The following RNF220 variants were observed in gnomAD, a reference collection of about 807,000 sequenced individuals.
The protein encoded by RNF220 is ring finger protein 220, also known as E3 ubiquitin-protein ligase RNF220.
RNF220 carries 7 observed loss-of-function variants against 67.1 expected under a neutral mutation model. That is an observed-to-expected ratio of 0.10 (90% CI 0.06 to 0.20). RNF220 has a LOEUF of 0.20. Among genes scored for constraint, RNF220 ranks in the 10% least tolerant of loss-of-function variants. RNF220 has a pLI of 1.00. For synonymous variants in RNF220, 270 were observed against 283.2 expected (o/e 0.95, Z 0.47); for missense variants, 565 against 740.3 (o/e 0.76, Z 2.75).
chr1:44,612,889 C>T (rs1024303664), intron 2 of RNF220, among the ~76,000 whole-genome samples: 4 of 152,296 alleles, frequency 2.6e-5, no homozygotes, highest in African/African-American at 9.6e-5. Context: ...CTGATTTTGA[C>T]CCCCTCCAGG....
At chr1:44,432,138 T>C (rs965096277) in intron 2 of RNF220, among the ~76,000 whole-genome samples, 4 of 152,192 alleles carry the variant, frequency 2.6e-5, no homozygotes, top group African/African-American at 9.7e-5. Context: ...ATACCCTGTG[T>C]TTCCCCATGT....
intron 5 of RNF220, among the ~76,000 whole-genome samples, chr1:44,629,785 C>T (rs1301296042): frequency 6.6e-6 from 1 of 152,120 alleles, no homozygotes; most frequent in Non-Finnish European, 1.5e-5. Flanking sequence ...TGACTGAAAA[C>T]GGACTCAGAG....
chr1:44,641,293 C>T (rs1430779996), intron 8 of RNF220, among the ~76,000 whole-genome samples: 1 of 152,170 alleles, frequency 6.6e-6, no homozygotes, highest in African/African-American at 2.4e-5. Flanking sequence ...GGTGGGGGCT[C>T]AGGCCTTTAT....
chr1:44,595,958 G>C (rs888975387), intron 2 of RNF220, among the ~76,000 whole-genome samples: 7 of 152,004 alleles, frequency 4.6e-5, no homozygotes, highest in African/African-American at 1.7e-4. Flanking sequence ...TAGAGACGGG[G>C]TTTTGCCGTG....
chr1:44,438,382 C>T (rs1341719953), intron 2 of RNF220, among the ~76,000 whole-genome samples: 1 of 152,188 alleles, frequency 6.6e-6, no homozygotes, highest in East Asian at 1.9e-4. Context: ...CTTGACCTCC[C>T]AAAGTGCTGG....
chr1:44,552,762 G>A (rs1662762074), intron 2 of RNF220, among the ~76,000 whole-genome samples: 1 of 151,654 alleles, frequency 6.6e-6, no homozygotes, highest in Admixed American at 6.6e-5. Flanking sequence ...GTGGAGACGG[G>A]GTTTCACCTT....
At chr1:44,493,035 A>G (rs887279875) in intron 2 of RNF220, among the ~76,000 whole-genome samples, 5 of 152,042 alleles carry the variant, frequency 3.3e-5, no homozygotes, top group African/African-American at 1.2e-4. Flanking sequence ...TGGGACTACA[A>G]ATGCATGCTA....
At chr1:44,519,124 G>T (rs537548976) in intron 2 of RNF220, among the ~76,000 whole-genome samples, 1 of 152,044 alleles carries the variant, frequency 6.6e-6, no homozygotes, top group Non-Finnish European at 1.5e-5. Context: ...GGTTGGGAGG[G>T]GTGGGGAGAA....
Position 44,581,361 on chromosome 1 carries a change from G to C in RNF220, c.626-32804G>C, listed in dbSNP as rs566267570. Among the ~76,000 whole-genome samples the C allele has an allele frequency of 3.9e-5, 6 of 152,352 alleles. No individual in the cohort carries two copies. In the East Asian group the frequency reaches 1.2e-3, roughly 29 times the overall value. On this transcript the variant is annotated intron_variant, in intron 2 of 14. Transcript: ENST00000361799. The stretch of plus-strand genomic sequence containing the variant: ...AGGTCCCAGCTGCTTGTCCCCTGCA[G>C]TGAGGCCAGTTGGACAGGTGGAGCC...
At chr1:44,610,309 C>T (rs1166403735) in intron 2 of RNF220, among the ~76,000 whole-genome samples, 5 of 152,220 alleles carry the variant, frequency 3.3e-5, no homozygotes, top group East Asian at 1.9e-4. Context: ...TGAGGCAGCG[C>T]CCGGGGATTA....
At chr1:44,578,994 A>G (rs1257477182) in intron 2 of RNF220, among the ~76,000 whole-genome samples, 5 of 151,614 alleles carry the variant, frequency 3.3e-5, no homozygotes, top group Non-Finnish European at 1.5e-5. Context: ...CGAAACCCCA[A>G]CTCTACTAAA....
At chr1:44,466,515 G>A (rs1434395270) in intron 2 of RNF220, among the ~76,000 whole-genome samples, 1 of 152,180 alleles carries the variant, frequency 6.6e-6, no homozygotes, top group Non-Finnish European at 1.5e-5. Flanking sequence ...AGATCCATCG[G>A]AGGAATCACT....
intron 2 of RNF220, among the ~76,000 whole-genome samples, chr1:44,598,749 C>A (rs920669329): frequency 6.6e-6 from 1 of 152,202 alleles, no homozygotes; most frequent in African/African-American, 2.4e-5. Flanking sequence ...TCACCCATTT[C>A]CCACCAGGTC....
In RNF220 at chr1:44,622,652, T is replaced by G; in HGVS notation, c.759-90T>G. 8.3e-7 allele frequency: 1 copy of G among 1,208,018 alleles called. No homozygotes were observed. The highest frequency in any genetic ancestry group is 1.2e-5 in the South Asian group (1 of 81,038). 74.8% of individuals were successfully genotyped at this position (1,208,018 alleles called of 1,614,324 possible). Reference sequence around the variant, plus strand: ...GGGCTGGGCTAGGCGGTCTATGCCTTCTCTGTCTTTGGGGTCTTCTTGCTA... The same window carrying G: ...GGGCTGGGCTAGGCGGTCTATGCCTGCTCTGTCTTTGGGGTCTTCTTGCTA... On this transcript the variant is annotated intron_variant, in intron 3 of 14. Coordinates refer to ENST00000361799, the MANE Select transcript of RNF220 (RefSeq NM_018150.4). This position sits in a 1 kb window ranked among gnomAD's most constrained non-coding sequence, Gnocchi z 4.3.
chr1:44,449,429 C>CT (rs377466741), intron 2 of RNF220, among the ~76,000 whole-genome samples: 29 of 147,932 alleles, frequency 2.0e-4, no homozygotes, highest in Admixed American at 3.4e-4. Flanking sequence ...TATATTCTAC[C>CT]TTTTTTTTTT....
chr1:44,495,977 G>T (rs1657310116), intron 2 of RNF220, among the ~76,000 whole-genome samples: 1 of 152,234 alleles, frequency 6.6e-6, no homozygotes, highest in South Asian at 2.1e-4. Flanking sequence ...AGGTAGACAA[G>T]GGTCAGTTCG....
chr1:44,577,547 C>T (rs2148333898), intron 2 of RNF220, among the ~76,000 whole-genome samples: 1 of 152,330 alleles, frequency 6.6e-6, no homozygotes, highest in Middle Eastern at 3.4e-3. Flanking sequence ...TCTGTGTTCT[C>T]AACACTTGAA....
At chr1:44,433,099 T>G (rs1355791648) in intron 2 of RNF220, among the ~76,000 whole-genome samples, 1 of 151,988 alleles carries the variant, frequency 6.6e-6, no homozygotes, top group Non-Finnish European at 1.5e-5. Context: ...CTGGCTAATT[T>G]TTGTATTTTT....
At chr1:44,566,004 G>C (rs1663975572) in intron 2 of RNF220, among the ~76,000 whole-genome samples, 1 of 152,154 alleles carries the variant, frequency 6.6e-6, no homozygotes, top group Non-Finnish European at 1.5e-5. Flanking sequence ...CGATCTATCA[G>C]AGGGGCACAC....
Sources: gnomAD v4.1 joint callset for allele counts (sites outside exome capture counted in the v4.1 genomes callset) on GRCh38, gnomAD v4.1.1 for gene constraint, Gnocchi (gnomAD v3.1) non-coding constraint, MANE v1.5 for transcripts, NCBI Gene and HGNC (gene_info 2026-07-23, HGNC 2026-07-21) for gene names.